The following ZBTB20 variants were observed in gnomAD, a reference collection of about 807,000 sequenced individuals.
ZBTB20 encodes zinc finger and BTB domain-containing protein 20.
ZBTB20 carries 9 observed loss-of-function variants against 56.9 expected under a neutral mutation model. The ratio of observed to expected loss-of-function variants is 0.16; its 90% CI spans 0.10 to 0.28. The LOEUF (loss-of-function observed/expected upper bound fraction) is 0.28, where lower values mean the gene tolerates loss of function less well. Ranked by LOEUF, ZBTB20 falls within the 10% of genes least tolerant of loss-of-function variation. ZBTB20 has a pLI of 1.00. For missense variants in ZBTB20, 655 were observed against 1,003.0 expected (o/e 0.65, Z 4.69); for synonymous variants, 417 against 420.7 (o/e 0.99, Z 0.11).
intron 7 of ZBTB20, among the ~76,000 whole-genome samples, chr3:114,457,405 G>C (rs994097626): frequency 1.3e-5 from 2 of 152,164 alleles, no homozygotes; most frequent in Admixed American, 6.6e-5. Context: ...GATGTGCTGA[G>C]TGTGTTATAT....
chr3:115,063,159 A>T (rs985999828), intron 2 of ZBTB20, among the ~76,000 whole-genome samples: 1 of 152,188 alleles, frequency 6.6e-6, no homozygotes, highest in Non-Finnish European at 1.5e-5. Flanking sequence ...ATTCCTGCAG[A>T]TAACAAAAAT....
At chr3:114,597,109 A>T (rs2056382771) in intron 6 of ZBTB20, among the ~76,000 whole-genome samples, 1 of 152,182 alleles carries the variant, frequency 6.6e-6, no homozygotes, top group African/African-American at 2.4e-5. Flanking sequence ...AGTTCTCCAT[A>T]TGCATAAAAG....
chr3:114,403,396 C>T lies in ZBTB20; in HGVS notation c.-254-14291G>A, dbSNP rs116529492. On this transcript the variant is annotated intron_variant, in intron 7 of 11. Transcript: ENST00000675478. ...TGGTAATAATTGGAACTGGTGATAT[C>T]GATAGCAGTGGGAATAACTGACTTA... Among the ~76,000 whole-genome samples, 1,228 of 152,168 alleles carry T rather than the reference C, an allele frequency of 8.1e-3. 22 individuals carry two copies. Among genetic ancestry groups the T allele is most frequent in the African/African-American group, 0.027 (1,136 of 41,532 alleles).
At chr3:115,141,536 A>T (rs1213484527) in intron 1 of ZBTB20, among the ~76,000 whole-genome samples, 4 of 152,204 alleles carry the variant, frequency 2.6e-5, no homozygotes, top group Non-Finnish European at 4.4e-5. Context: ...TCTAGATCAC[A>T]TCAGCTGTGA....
chr3:114,377,610 G>C (rs1435642409), intron 10 of ZBTB20, among the ~76,000 whole-genome samples: 1 of 152,136 alleles, frequency 6.6e-6, no homozygotes, highest in African/African-American at 2.4e-5. Flanking sequence ...TTACAACCCA[G>C]TCACCAATAT....
At chr3:114,640,301 C>G (rs2059491219) in intron 6 of ZBTB20, among the ~76,000 whole-genome samples, 1 of 152,088 alleles carries the variant, frequency 6.6e-6, no homozygotes. Flanking sequence ...GTGAATGATT[C>G]TCAGCAGGTG....
intron 2 of ZBTB20, among the ~76,000 whole-genome samples, chr3:115,013,803 G>A (rs1385402020): frequency 6.6e-6 from 1 of 151,592 alleles, no homozygotes; most frequent in Non-Finnish European, 1.5e-5. Context: ...GGGAACCCTT[G>A]TACACTATTG....
intron 6 of ZBTB20, among the ~76,000 whole-genome samples, chr3:114,630,930 G>A (rs529605777): frequency 6.6e-6 from 1 of 152,218 alleles, no homozygotes. Context: ...TCAACTGATT[G>A]CACTACTGTT....
chr3:114,408,158 A>G (rs920603634), intron 7 of ZBTB20, among the ~76,000 whole-genome samples: 1 of 152,178 alleles, frequency 6.6e-6, no homozygotes, highest in Non-Finnish European at 1.5e-5. Context: ...TTACGTTTTT[A>G]CCCATGTAAT....
At chr3:114,873,395 T>C (rs1360431814) in intron 4 of ZBTB20, among the ~76,000 whole-genome samples, 1 of 152,172 alleles carries the variant, frequency 6.6e-6, no homozygotes, top group Non-Finnish European at 1.5e-5. Context: ...TGGTCATATT[T>C]AGTTAGATGT....
chr3:114,448,173 T>C (rs1338651248), intron 7 of ZBTB20, among the ~76,000 whole-genome samples: 1 of 151,988 alleles, frequency 6.6e-6, no homozygotes, highest in East Asian at 1.9e-4. Flanking sequence ...TTCTGGCCTC[T>C]CCCCGGCTGC....
intron 6 of ZBTB20, among the ~76,000 whole-genome samples, chr3:114,505,253 A>G (rs1294447080): frequency 6.6e-6 from 1 of 152,186 alleles, no homozygotes; most frequent in Non-Finnish European, 1.5e-5. Context: ...TGAACATGAG[A>G]TTCACACTGG....
chr3:114,494,774 C>G (rs1030432892), intron 7 of ZBTB20, among the ~76,000 whole-genome samples: 3 of 152,172 alleles, frequency 2.0e-5, no homozygotes, highest in Non-Finnish European at 4.4e-5. Flanking sequence ...AACCCATTTC[C>G]TCTTTACACT....
intron 6 of ZBTB20, among the ~76,000 whole-genome samples, chr3:114,665,990 A>AAG (rs2061031954): frequency 1.3e-5 from 2 of 152,060 alleles, no homozygotes; most frequent in Non-Finnish European, 2.9e-5. Flanking sequence ...CAATCTGGTA[A>AAG]GATCAAATGG....
chr3:114,719,009 G>T lies in ZBTB20; in HGVS notation c.-342-25434C>A, dbSNP rs776113471. Among the ~76,000 whole-genome samples, 116 of 151,644 alleles carry T rather than the reference G, an allele frequency of 7.6e-4. 3 individuals carry two copies. The highest frequency in any genetic ancestry group is 2.4e-4 in the Non-Finnish European group (16 of 67,936). Reference sequence around the variant, plus strand: ...TCCCTGATTATCAACTAACAATTTTGTAAACAGTTATCTCACAGGTTAAAT... The same window carrying T: ...TCCCTGATTATCAACTAACAATTTTTTAAACAGTTATCTCACAGGTTAAAT... On this transcript the variant is annotated intron_variant, in intron 5 of 11. Coordinates refer to ENST00000675478, the MANE Select transcript of ZBTB20 (RefSeq NM_001348800.3).
intron 5 of ZBTB20, among the ~76,000 whole-genome samples, chr3:114,755,374 T>C (rs999533302): frequency 2.0e-5 from 3 of 152,168 alleles, no homozygotes; most frequent in African/African-American, 7.2e-5. Context: ...AAATGACTCT[T>C]TTTAAAACTT....
rs1228216541 is a variant in ZBTB20, at chr3:114,325,847, T to A, written c.*13158A>T. ...GAGTTGAGTTGAAAACAGTATGCTT[T>A]CAAATGAAGTACTACAATTTCCTTT... On this transcript the variant is annotated 3_prime_UTR_variant, in exon 12 of 12. Transcript: ENST00000675478. The A allele has an allele frequency of 6.6e-6, 1 of 152,212 alleles. No individual in the cohort carries two copies. Among genetic ancestry groups the A allele is most frequent in the African/African-American group, 2.4e-5 (1 of 41,464 alleles). The allele number at this position is 152,212 out of a possible 1,614,324, so 9.4% of individuals were successfully genotyped here.
intron 1 of ZBTB20, among the ~76,000 whole-genome samples, chr3:115,088,798 T>C (rs574862428): frequency 1.3e-5 from 2 of 151,920 alleles, no homozygotes; most frequent in South Asian, 4.1e-4. Context: ...AACACTTTCA[T>C]TGAAATTTAA....
intron 6 of ZBTB20, among the ~76,000 whole-genome samples, chr3:114,545,491 C>A (rs1446899295): frequency 6.6e-6 from 1 of 152,148 alleles, no homozygotes; most frequent in African/African-American, 2.4e-5. Context: ...AGTGGTACAC[C>A]ATTGTGTGAG....
Sources: allele counts gnomAD v4.1 joint callset (sites outside exome capture counted in the v4.1 genomes callset), GRCh38; gene constraint gnomAD v4.1.1; transcripts MANE v1.5; gene names NCBI Gene and HGNC (gene_info 2026-07-23, HGNC 2026-07-21).